ADAM9: variants seen among roughly 807,000 people sequenced by gnomAD.
The protein encoded by ADAM9 is disintegrin and metalloproteinase domain-containing protein 9.
In ADAM9, 54 loss-of-function variants were observed where a neutral mutation model predicts 108.1. The observed-to-expected ratio is 0.50, with a 90% CI of 0.40 to 0.63. ADAM9 has a LOEUF of 0.63. Among genes scored for constraint, ADAM9 ranks in the 20% least tolerant of loss-of-function variants. ADAM9 has a pLI of 0.00. For synonymous variants in ADAM9, 316 were observed against 336.0 expected, an observed-to-expected ratio of 0.94 and a Z score of 0.65; for missense variants, 830 against 997.7, an observed-to-expected ratio of 0.83 and a Z score of 2.26.
intron 4 of ADAM9, 104 bp from the exon 5 acceptor site, chr8:39,016,004 CTTTGTTATTA>C (rs1836513593): frequency 1.0e-6 from 1 of 952,648 alleles, no homozygotes; most frequent in Admixed American, 1.9e-5. Flanking sequence ...ATAAATAAAA[CTTTGTTATTA>C]TTAAACTTGA....
At chr8:39,085,305 T>C (rs1198171129) in intron 18 of ADAM9, among the ~76,000 whole-genome samples, 1 of 152,208 alleles carries the variant, frequency 6.6e-6, no homozygotes, top group Non-Finnish European at 1.5e-5. Context: ...ATGTTTTACT[T>C]CTACTAATGT....
intron 16 of ADAM9, among the ~76,000 whole-genome samples, chr8:39,080,485 C>T (rs1838985970): frequency 6.6e-6 from 1 of 152,166 alleles, no homozygotes; most frequent in Non-Finnish European, 1.5e-5. Flanking sequence ...TACACCTTGA[C>T]CCAAACTGAC....
chr8:39,026,163 T>G (rs566765827), intron 10 of ADAM9, among the ~76,000 whole-genome samples: 1 of 152,336 alleles, frequency 6.6e-6, no homozygotes, highest in African/African-American at 2.4e-5. Context: ...GGTATACATG[T>G]GCCATGGTGG....
intron 11 of ADAM9, among the ~76,000 whole-genome samples, chr8:39,028,080 C>A (rs1836980098): frequency 6.6e-6 from 1 of 151,934 alleles, no homozygotes; most frequent in Non-Finnish European, 1.5e-5. Flanking sequence ...AGAGCAAGAC[C>A]CTGTTTCAAA....
intron 16 of ADAM9, among the ~76,000 whole-genome samples, chr8:39,082,270 T>C (rs1395252395): frequency 2.0e-5 from 3 of 152,166 alleles, no homozygotes; most frequent in East Asian, 1.9e-4. Flanking sequence ...GAAATAGACC[T>C]TCTATCCTTG....
intron 14 of ADAM9, among the ~76,000 whole-genome samples, chr8:39,058,388 C>G (rs923483248): frequency 3.3e-5 from 5 of 152,186 alleles, no homozygotes; most frequent in Non-Finnish European, 7.3e-5. Context: ...GTTTGTGGTT[C>G]TTTACCTGTT....
At chr8:39,010,622 T>C (rs1836324461) in intron 2 of ADAM9, among the ~76,000 whole-genome samples, 1 of 152,208 alleles carries the variant, frequency 6.6e-6, no homozygotes, top group Admixed American at 6.5e-5. Context: ...GTTCCAGAGA[T>C]CACGTTAAGC....
chr8:39,067,369 T>A (rs1238005476), intron 14 of ADAM9, among the ~76,000 whole-genome samples: 2 of 152,266 alleles, frequency 1.3e-5, no homozygotes, highest in Non-Finnish European at 2.9e-5. Context: ...CGATATTGAT[T>A]ATTCCTATCC....
At chr8:39,058,192 A>G (rs1412262335) in intron 14 of ADAM9, among the ~76,000 whole-genome samples, 1 of 152,206 alleles carries the variant, frequency 6.6e-6, no homozygotes, top group Non-Finnish European at 1.5e-5. Context: ...CTGCATGATA[A>G]AGGTATAAGG....
At chr8:39,013,908 T>C in intron 3 of ADAM9, 57 bp from the exon 4 acceptor site, 2 of 1,316,008 alleles carry the variant, frequency 1.5e-6, no homozygotes, top group Non-Finnish European at 1.1e-6. Context: ...TTATGAATCG[T>C]GTCCTTAGTT....
chr8:39,079,032 G>A (rs1196749358), intron 16 of ADAM9, among the ~76,000 whole-genome samples: 1 of 152,098 alleles, frequency 6.6e-6, no homozygotes, highest in Non-Finnish European at 1.5e-5. Context: ...AGAAAACAGG[G>A]GAGGCTAAAC....
intron 14 of ADAM9, among the ~76,000 whole-genome samples, chr8:39,056,673 C>T (rs1838133760): frequency 6.6e-6 from 1 of 152,020 alleles, no homozygotes; most frequent in East Asian, 1.9e-4. Context: ...CTTTCTGTTT[C>T]TCTCTCTCTC....
chr8:39,000,547 G>C (rs1835962713), intron 1 of ADAM9, among the ~76,000 whole-genome samples: 1 of 151,390 alleles, frequency 6.6e-6, no homozygotes, highest in African/African-American at 2.4e-5. Context: ...CTGTAACCTC[G>C]AATTCCTGGG....
At position 39,014,000 on chromosome 8, in the gene ADAM9, AC is replaced by A; in HGVS notation, c.291del (p.Tyr97Ter). ...LLPEDFVVYT[Y>X]NKEGTLITDH... Reference sequence around the variant, plus strand: ...CCTGAAGATTTTGTGGTTTATACTTACAACAAGGAAGGGACTTTAATCACTG... The same window carrying A: ...CCTGAAGATTTTGTGGTTTATACTTAAACAAGGAAGGGACTTTAATCACTG... On this transcript the variant is annotated frameshift_variant, in exon 4 of 22. Transcript: ENST00000487273. LOFTEE classifies it high-confidence loss of function. The A allele has an allele frequency of 6.2e-7, 1 of 1,613,708 alleles. No individual in the cohort carries two copies. Among genetic ancestry groups the A allele is most frequent in the Non-Finnish European group, 8.5e-7 (1 of 1,179,718 alleles).
chr8:39,066,954 T>G (rs935476658), intron 14 of ADAM9, among the ~76,000 whole-genome samples: 3 of 152,254 alleles, frequency 2.0e-5, no homozygotes, highest in Non-Finnish European at 2.9e-5. Flanking sequence ...GGATCCAGTT[T>G]CAGTTTTCTA....
In ADAM9 at chr8:39,019,312, C is replaced by A. The variant is rs573931151; in HGVS notation, c.672+394C>A. Among the ~76,000 whole-genome samples, 3 of 152,176 alleles carry A rather than the reference C, an allele frequency of 2.0e-5. No individual in the cohort carries two copies. The East Asian group carries it at 5.8e-4, about 29-fold the overall frequency. On this transcript the variant is annotated intron_variant, in intron 7 of 21. Coordinates refer to ENST00000487273, the MANE Select transcript of ADAM9 (RefSeq NM_003816.3). The stretch of plus-strand genomic sequence containing the variant: ...TTTGCTTTCTAGAATTTGAGATAAC[C>A]TATATTGCACTTTGAGAGATGGAAA...
At chr8:39,084,867 A>G (rs955456378) in intron 18 of ADAM9, among the ~76,000 whole-genome samples, 2 of 151,936 alleles carry the variant, frequency 1.3e-5, no homozygotes, top group Non-Finnish European at 2.9e-5. Flanking sequence ...ATTTATTATG[A>G]TGTTCTGTTA....
At chr8:39,006,454 G>C (rs1302423776) in intron 1 of ADAM9, among the ~76,000 whole-genome samples, 1 of 151,108 alleles carries the variant, frequency 6.6e-6, no homozygotes, top group Non-Finnish European at 1.5e-5. Context: ...CTATATTTGA[G>C]AAATCTGAGG....
intron 20 of ADAM9, among the ~76,000 whole-genome samples, chr8:39,097,647 A>T (rs1229931460): frequency 6.6e-6 from 1 of 152,108 alleles, no homozygotes; most frequent in African/African-American, 2.4e-5. Context: ...AAAATTCTAC[A>T]ATATAGATAT....
Sources: gnomAD v4.1 joint callset for allele counts (sites outside exome capture counted in the v4.1 genomes callset) on GRCh38, gnomAD v4.1.1 for gene constraint, MANE v1.5 for transcripts, NCBI Gene and HGNC (gene_info 2026-07-23, HGNC 2026-07-21) for gene names.